The following JMJD1C variants were observed in gnomAD, a reference collection of about 807,000 sequenced individuals.
JMJD1C encodes jumonji domain-containing protein 1C.
A neutral mutation model predicts 245.3 loss-of-function variants in JMJD1C; 31 were observed. That is an observed-to-expected ratio of 0.13 (90% confidence interval 0.09 to 0.17). The LOEUF (loss-of-function observed/expected upper bound fraction) is 0.17, where lower values mean the gene tolerates loss of function less well. Ranked by LOEUF, JMJD1C falls within the 10% of genes least tolerant of loss-of-function variation. JMJD1C has a pLI of 1.00. For missense variants in JMJD1C, 2,691 were observed against 3,000.2 expected (o/e 0.90, Z 2.41); for synonymous variants, 1,057 against 1,017.4 (o/e 1.04, Z -0.74).
intron 1 of JMJD1C, among the ~76,000 whole-genome samples, chr10:63,510,490 T>C (rs761233932): frequency 3.9e-5 from 6 of 152,240 alleles, no homozygotes; most frequent in Non-Finnish European, 8.8e-5. Context: ...TGTTTAATCT[T>C]CCACATATTT....
chr10:63,412,723 A>G (rs1949560291), intron 1 of JMJD1C, among the ~76,000 whole-genome samples: 2 of 152,206 alleles, frequency 1.3e-5, no homozygotes, highest in African/African-American at 4.8e-5. Context: ...AGATTTGTGT[A>G]TATTTTATGG....
intron 3 of JMJD1C, among the ~76,000 whole-genome samples, chr10:63,252,606 T>A (rs1306287422): frequency 6.6e-6 from 1 of 152,200 alleles, no homozygotes; most frequent in Admixed American, 6.5e-5. Context: ...TCTCAATTTC[T>A]ATACACAAAC....
At chr10:63,468,846 G>A (rs910555541), upstream of JMJD1C, among the ~76,000 whole-genome samples, 2 of 152,160 alleles carry the variant, frequency 1.3e-5, no homozygotes, top group African/African-American at 4.8e-5. Flanking sequence ...CTGGATGATG[G>A]CATGTGTCTG....
intron 1 of JMJD1C, among the ~76,000 whole-genome samples, chr10:63,394,484 A>G (rs1213359180): frequency 6.6e-6 from 1 of 152,240 alleles, no homozygotes; most frequent in African/African-American, 2.4e-5. Context: ...CCAAGAAAAT[A>G]TAATATTCGT....
intron 2 of JMJD1C, among the ~76,000 whole-genome samples, chr10:63,355,043 A>T (rs1363581794): frequency 2.0e-5 from 3 of 152,000 alleles, no homozygotes; most frequent in African/African-American, 7.2e-5. Flanking sequence ...TAAACAAATA[A>T]ATAAAGATGG....
At chr10:63,263,436 C>G (rs1213006509) in intron 3 of JMJD1C, among the ~76,000 whole-genome samples, 1 of 152,138 alleles carries the variant, frequency 6.6e-6, no homozygotes, top group Non-Finnish European at 1.5e-5. Context: ...CTTGTTCTCT[C>G]CATGGAAATA....
At chr10:63,475,598 A>AT (rs1472139758) in intron 1 of JMJD1C, among the ~76,000 whole-genome samples, 1 of 152,196 alleles carries the variant, frequency 6.6e-6, no homozygotes, top group African/African-American at 2.4e-5. Flanking sequence ...GAGAAGGAGG[A>AT]TTATCAAGAA....
At chr10:63,291,333 A>AAAC (rs1554875310) in intron 2 of JMJD1C, among the ~76,000 whole-genome samples, 4 of 92,092 alleles carry the variant, frequency 4.3e-5, no homozygotes, top group Non-Finnish European at 4.8e-5. Flanking sequence ...AAAAAAAAAA[A>AAAC]GGGCTGGGCG....
At chr10:63,398,270 A>T (rs960954854) in intron 1 of JMJD1C, among the ~76,000 whole-genome samples, 2 of 152,142 alleles carry the variant, frequency 1.3e-5, no homozygotes, top group Non-Finnish European at 2.9e-5. Context: ...ACCCAACCAT[A>T]TATGACTCTT....
At chr10:63,176,147 C>A in intron 24 of JMJD1C, 150 bp downstream of exon 24, 1 of 506,636 alleles carries the variant, frequency 2.0e-6, no homozygotes, top group South Asian at 4.1e-5. Flanking sequence ...TCTGCAAGCA[C>A]TGAGATGTCA....
At chr10:63,387,326 G>T (rs1947686669) in intron 1 of JMJD1C, among the ~76,000 whole-genome samples, 2 of 152,002 alleles carry the variant, frequency 1.3e-5, no homozygotes, top group South Asian at 2.1e-4. Flanking sequence ...TCCAACAACA[G>T]ATTCCAATCA....
At chr10:63,436,971 A>C (rs896378533) in intron 1 of JMJD1C, among the ~76,000 whole-genome samples, 15 of 152,084 alleles carry the variant, frequency 9.9e-5, no homozygotes, top group African/African-American at 3.1e-4. Flanking sequence ...ACACCATTTC[A>C]TTGCTATTCA....
chr10:63,446,870 C>G (rs1284567469), intron 1 of JMJD1C, among the ~76,000 whole-genome samples: 1 of 152,096 alleles, frequency 6.6e-6, no homozygotes, highest in East Asian at 1.9e-4. Context: ...TGGGGACAAT[C>G]TGTATAATAC....
chr10:63,414,286 A>C (rs1273079447), intron 1 of JMJD1C, among the ~76,000 whole-genome samples: 1 of 152,142 alleles, frequency 6.6e-6, no homozygotes, highest in Non-Finnish European at 1.5e-5. Flanking sequence ...CACCCAGCCA[A>C]TACTGTGTAT....
At chr10:63,336,421 G>GAACTCC (rs1488177692) in intron 2 of JMJD1C, among the ~76,000 whole-genome samples, 2 of 152,070 alleles carry the variant, frequency 1.3e-5, no homozygotes, top group Non-Finnish European at 2.9e-5. Flanking sequence ...TTGCACTACT[G>GAACTCC]AACTCCAGCC....
At chr10:63,486,222 T>C (rs1348185839) in intron 1 of JMJD1C, among the ~76,000 whole-genome samples, 2 of 147,462 alleles carry the variant, frequency 1.4e-5, no homozygotes, top group African/African-American at 5.1e-5. Flanking sequence ...TTTGAGAAAT[T>C]CATTAGAGTA....
intron 2 of JMJD1C, among the ~76,000 whole-genome samples, chr10:63,308,553 T>G (rs1484588765): frequency 6.6e-6 from 1 of 151,298 alleles, no homozygotes. Context: ...AAACCAAGAT[T>G]TGTATTACCA....
chr10:63,491,098 T>C (rs907700694), intron 1 of JMJD1C, among the ~76,000 whole-genome samples: 5 of 152,232 alleles, frequency 3.3e-5, no homozygotes, highest in African/African-American at 9.6e-5. Flanking sequence ...GTGGGCAAGA[T>C]AATCAAGGTA....
At chr10:63,373,545 T>C (rs1387337349) in intron 2 of JMJD1C, among the ~76,000 whole-genome samples, 1 of 152,150 alleles carries the variant, frequency 6.6e-6, no homozygotes, top group Non-Finnish European at 1.5e-5. Flanking sequence ...TGATATGTAA[T>C]ATTAAACAAG....
Sources: gnomAD v4.1 joint callset for allele counts (sites outside exome capture counted in the v4.1 genomes callset) on GRCh38, gnomAD v4.1.1 for gene constraint, MANE v1.5 for transcripts, NCBI Gene and HGNC (gene_info 2026-07-23, HGNC 2026-07-21) for gene names.